The following ANKRD36C variants were observed in gnomAD, a reference collection of about 807,000 sequenced individuals.
ANKRD36C encodes the protein ankyrin repeat domain 36C.
Under a neutral mutation model 276.4 loss-of-function variants are expected in ANKRD36C, and 61 were observed. The observed-to-expected ratio is 0.22, with a 90% confidence interval of 0.18 to 0.27. The LOEUF (loss-of-function observed/expected upper bound fraction) is 0.27, where lower values mean the gene tolerates loss of function less well. ANKRD36C is among the 10% of genes least tolerant of loss of function. The pLI, the probability that ANKRD36C is intolerant of heterozygous loss-of-function variation, is 1.00. For missense variants in ANKRD36C, 1,447 were observed against 2,032.3 expected, an observed-to-expected ratio of 0.71 and a Z score of 5.54; for synonymous variants, 483 against 680.1, an observed-to-expected ratio of 0.71 and a Z score of 4.51.
In ANKRD36C at chr2:95,891,756, G is replaced by A. The variant is rs773653690; in HGVS notation, c.2785-19C>T. Reference sequence around the variant, plus strand: ...TTGTAGCCTGAATGGAATTTGAAATGAAATAATAAATTAATAAAGTATGTT... The same window carrying A: ...TTGTAGCCTGAATGGAATTTGAAATAAAATAATAAATTAATAAAGTATGTT... On this transcript the variant is annotated intron_variant, in intron 45 of 66. Coordinates refer to ENST00000456556, the Ensembl canonical transcript of ANKRD36C. 232 of 1,571,182 alleles carry A rather than the reference G, an allele frequency of 1.5e-4. No homozygotes were observed. The highest frequency in any genetic ancestry group is 2.0e-4 in the Non-Finnish European group (232 of 1,156,914).
At chr2:95,890,105 GC>G in intron 46 of ANKRD36C, 111 bp from the exon 67 acceptor site, 1 of 1,359,970 alleles carries the variant, frequency 7.4e-7, no homozygotes, top group Non-Finnish European at 1.0e-6. Context: ...ATTAGTGTAG[GC>G]TTTGATGGCT....
At chr2:95,852,483 A>C (rs1675317316) in intron 64 of ANKRD36C, 3 of 357,812 alleles carry the variant, frequency 8.4e-6, no homozygotes, top group African/African-American at 4.3e-5. Context: ...CAAAGCCTTA[A>C]ATAATACTAT....
At chr2:95,891,569 G>C (rs1460957499) in intron 46 of ANKRD36C, 96 bp downstream of exon 66, 1 of 1,395,348 alleles carries the variant, frequency 7.2e-7, no homozygotes, top group South Asian at 1.3e-5. Flanking sequence ...GTATCAGAAT[G>C]TGCAGCTTCA....
chr2:95,965,526 T>C (rs1424579436), intron 6 of ANKRD36C, among the ~76,000 whole-genome samples: 1 of 152,128 alleles, frequency 6.6e-6, no homozygotes, highest in Non-Finnish European at 1.5e-5. Context: ...GGGGAAACAG[T>C]TGCAATCAAC....
At chr2:95,863,807 G>C (rs1465746741) in intron 60 of ANKRD36C, among the ~76,000 whole-genome samples, 2 of 152,094 alleles carry the variant, frequency 1.3e-5, no homozygotes, top group Non-Finnish European at 2.9e-5. Flanking sequence ...AAAGTAAAAG[G>C]GTGCCAAAGG....
chr2:95,929,545 T>C (rs1053854698), intron 24 of ANKRD36C, among the ~76,000 whole-genome samples: 3 of 151,584 alleles, frequency 2.0e-5, no homozygotes, highest in African/African-American at 4.8e-5. Context: ...TCAATATCAA[T>C]GTGGATATGC....
rs768644819 is a variant in ANKRD36C, at chr2:95,917,934, G to T, written c.2275-7C>A. On this transcript the variant is annotated splice_polypyrimidine_tract_variant and splice_region_variant and intron_variant, in intron 35 of 66. Transcript: ENST00000456556. ...CTTCCTCGTCAGTTGTAGCCTGAAT[G>T]GAATTTGAAAGAAAATAATAAATAA... is the stretch of plus-strand genomic sequence containing the variant. 5 of 1,605,088 alleles carry T rather than the reference G, an allele frequency of 3.1e-6. No homozygotes were observed. The African/African-American group carries it at 5.4e-5, about 17-fold the overall frequency.
chr2:95,858,897 A>T (rs551175434), intron 61 of ANKRD36C, among the ~76,000 whole-genome samples: 2 of 152,326 alleles, frequency 1.3e-5, no homozygotes, highest in South Asian at 4.1e-4. Flanking sequence ...TAATTAAACA[A>T]TAAAGAATAA....
chr2:95,869,886 A>G (rs181156134), intron 59 of ANKRD36C, among the ~76,000 whole-genome samples: 1 of 152,220 alleles, frequency 6.6e-6, no homozygotes, highest in East Asian at 1.9e-4. Context: ...AGAGGGTCCT[A>G]CGCCCATGGA....
chr2:95,856,321 G>A (rs2260540), intron 62 of ANKRD36C, 141 bp from the exon 83 acceptor site: 7 of 1,497,592 alleles, frequency 4.7e-6, no homozygotes, highest in East Asian at 2.4e-5. Context: ...AAAAGAAGTT[G>A]AGTCAAAACC....
rs199941227 is a variant in ANKRD36C, at chr2:95,889,887, A to AACACAT, written c.2887-17_2887-16insATGTGT. ...CACTTGTAGCCTGAATGGAATTTGA[A>AACACAT]ACACAACAGTCAATAAATAAAGTAT... On this transcript the variant is annotated splice_polypyrimidine_tract_variant and intron_variant, in intron 47 of 66. Coordinates refer to ENST00000456556, the Ensembl canonical transcript of ANKRD36C. 573 of 1,607,216 alleles carry AACACAT rather than the reference A, an allele frequency of 3.6e-4. 5 individuals carry two copies. The East Asian group carries it at 0.013, about 35-fold the overall frequency.
Position 95,968,225 on chromosome 2 carries a change from C to T in ANKRD36C, c.800-5678G>A, listed in dbSNP as rs1466587715. Among the ~76,000 whole-genome samples the T allele has an allele frequency of 2.6e-5, 4 of 152,084 alleles. No individual in the cohort carries two copies. In the South Asian group the frequency reaches 8.3e-4, roughly 31 times the overall value. ...AGTTCTTTAGAAACATACTTGGAGG[C>T]TATACTAAAATTATTATTTATACTA... On this transcript the variant is annotated intron_variant, in intron 6 of 66. Coordinates refer to ENST00000456556, the Ensembl canonical transcript of ANKRD36C.
chr2:95,916,558 C>T (rs564676481), intron 36 of ANKRD36C, among the ~76,000 whole-genome samples: 1 of 151,662 alleles, frequency 6.6e-6, no homozygotes, highest in African/African-American at 2.4e-5. Context: ...TGCAAGAAAC[C>T]AAAGGATTTA....
chr2:95,910,380 A>G (rs1383647684), intron 42 of ANKRD36C: 10 of 1,540,598 alleles, frequency 6.5e-6, no homozygotes, highest in Admixed American at 2.0e-5. Context: ...TACCTGTCCT[A>G]GATTTTTCTC....
At chr2:95,903,202 C>A (rs1206725260) in intron 42 of ANKRD36C, 121 bp from the exon 53 acceptor site, 1 of 1,472,002 alleles carries the variant, frequency 6.8e-7, no homozygotes, top group Non-Finnish European at 9.2e-7. Context: ...GCTTTGATGG[C>A]TTCTACTTTG....
intron 42 of ANKRD36C, 23 bp from the exon 46 acceptor site, chr2:95,910,468 T>C: frequency 1.9e-6 from 3 of 1,589,206 alleles, no homozygotes; most frequent in Non-Finnish European, 2.6e-6. Context: ...TGAAACGAAA[T>C]AATAAATAAA....
At chr2:95,903,119 A>C in intron 42 of ANKRD36C, 38 bp from the exon 53 acceptor site, 1 of 1,547,256 alleles carries the variant, frequency 6.5e-7, no homozygotes, top group Non-Finnish European at 8.7e-7. Context: ...CTCATATGTA[A>C]AAATGACAAA....
intron 16 of ANKRD36C, among the ~76,000 whole-genome samples, chr2:95,948,928 AAGACT>A (rs1420762819): frequency 6.6e-6 from 1 of 152,132 alleles, no homozygotes; most frequent in Non-Finnish European, 1.5e-5. Context: ...ATCTACCCTA[AAGACT>A]AAACTGAAAA....
At chr2:95,880,840 G>A (rs1210185524) in intron 56 of ANKRD36C, among the ~76,000 whole-genome samples, 4 of 152,160 alleles carry the variant, frequency 2.6e-5, no homozygotes, top group Non-Finnish European at 5.9e-5. Context: ...AAGTTAAAAA[G>A]TGAGATTATG....
Sources: allele counts gnomAD v4.1 joint callset (sites outside exome capture counted in the v4.1 genomes callset), GRCh38; gene constraint gnomAD v4.1.1; transcripts MANE v1.5; gene names NCBI Gene and HGNC (gene_info 2026-07-23, HGNC 2026-07-21).